The following LPAR1 variants were observed in gnomAD, a reference collection of about 807,000 sequenced individuals.
LPAR1 encodes the protein LPA receptor 1.
In LPAR1, 5 loss-of-function variants were observed where a neutral mutation model predicts 23.8. The ratio of observed to expected loss-of-function variants is 0.21; its 90% confidence interval spans 0.11 to 0.44. The LOEUF is 0.44. Among genes scored for constraint, LPAR1 ranks in the 20% least tolerant of loss-of-function variants. The pLI, the probability that LPAR1 is intolerant of heterozygous loss-of-function variation, is 0.99. For synonymous variants in LPAR1, 160 were observed against 164.7 expected, an observed-to-expected ratio of 0.97 and a Z score of 0.22; for missense variants, 311 against 482.8, an observed-to-expected ratio of 0.64 and a Z score of 3.33.
chr9:110,992,593 C>G (rs1022769869), intron 2 of LPAR1, among the ~76,000 whole-genome samples: 19 of 152,068 alleles, frequency 1.2e-4, no homozygotes, highest in Non-Finnish European at 2.9e-5. Flanking sequence ...GCTCAAATGT[C>G]CATTCATAAA....
intron 2 of LPAR1, among the ~76,000 whole-genome samples, chr9:110,997,056 T>C (rs2139989725): frequency 6.6e-6 from 1 of 152,360 alleles, no homozygotes; most frequent in Non-Finnish European, 1.5e-5. Context: ...AGATTTTTCC[T>C]ACTGCCTATG....
Position 110,875,180 on chromosome 9 carries a change from G to C in LPAR1, c.*241C>G, listed in dbSNP as rs549990436. ...AGTCTGTTCTTGAATTCCATTGCAA[G>C]AGCTCCAACTTCCTACTTTCAGAAG... On this transcript the variant is annotated 3_prime_UTR_variant, in exon 6 of 6. Transcript: ENST00000683809. 3.4e-5 allele frequency: 14 copies of C among 417,616 alleles called. No individual in the cohort carries two copies. The Admixed American group carries it at 3.6e-4, about 11-fold the overall frequency. The allele number at this position is 417,616 out of a possible 1,614,324, so 25.9% of individuals were successfully genotyped here. A position where few individuals can be genotyped will look rare whatever the true frequency, so the allele number is the denominator to read the frequency against.
At chr9:111,017,192 G>A (rs1349452584) in intron 2 of LPAR1, among the ~76,000 whole-genome samples, 1 of 152,134 alleles carries the variant, frequency 6.6e-6, no homozygotes, top group East Asian at 1.9e-4. Flanking sequence ...CCTAAGGTGG[G>A]CCCTTGGTCT....
At chr9:111,030,532 GA>G (rs1370078666) in intron 2 of LPAR1, among the ~76,000 whole-genome samples, 1 of 152,176 alleles carries the variant, frequency 6.6e-6, no homozygotes, top group Non-Finnish European at 1.5e-5. Context: ...AGAAGTGGTT[GA>G]AAGGCCTTTC....
At chr9:110,886,793 T>C (rs1180182143) in intron 5 of LPAR1, among the ~76,000 whole-genome samples, 1 of 152,074 alleles carries the variant, frequency 6.6e-6, no homozygotes, top group East Asian at 1.9e-4. Flanking sequence ...AAAAGCAAAA[T>C]TTCCCCCTTA....
chr9:110,917,602 A>G (rs1274481014), intron 5 of LPAR1, among the ~76,000 whole-genome samples: 3 of 152,204 alleles, frequency 2.0e-5, no homozygotes, highest in Non-Finnish European at 4.4e-5. Context: ...TGAATGTGCC[A>G]TAAAGAATGT....
chr9:110,924,265 C>G (rs974755138), intron 5 of LPAR1, among the ~76,000 whole-genome samples: 5 of 150,066 alleles, frequency 3.3e-5, no homozygotes, highest in Non-Finnish European at 5.9e-5. Context: ...ACGTAAATGT[C>G]TAATGATTAT....
chr9:110,927,092 C>T (rs992412271), intron 5 of LPAR1, among the ~76,000 whole-genome samples: 22 of 152,180 alleles, frequency 1.4e-4, no homozygotes, highest in African/African-American at 5.1e-4. Flanking sequence ...CGAAGTCCTT[C>T]GTGGTACAGA....
intron 5 of LPAR1, among the ~76,000 whole-genome samples, chr9:110,881,933 C>A (rs2080980308): frequency 6.6e-6 from 1 of 152,188 alleles, no homozygotes; most frequent in Non-Finnish European, 1.5e-5. Context: ...ACTCGCTCCT[C>A]ATTTACGAGG....
intron 4 of LPAR1, among the ~76,000 whole-genome samples, chr9:110,954,105 A>G (rs959342958): frequency 2.6e-5 from 4 of 152,162 alleles, no homozygotes; most frequent in African/African-American, 7.2e-5. Context: ...TAGCAGAGAC[A>G]GATATCATTA....
At chr9:110,933,281 C>G (rs1449331648) in intron 5 of LPAR1, among the ~76,000 whole-genome samples, 3 of 152,020 alleles carry the variant, frequency 2.0e-5, no homozygotes, top group Admixed American at 1.3e-4. Context: ...TATACGTGGA[C>G]TTGGTGTGTA....
chr9:110,973,291 T>A (rs1237596546), intron 3 of LPAR1, among the ~76,000 whole-genome samples, 190 bp downstream of exon 3: 2 of 152,116 alleles, frequency 1.3e-5, no homozygotes. Flanking sequence ...CCCACCTATT[T>A]GCAGAAGAAA....
chr9:110,947,673 A>G (rs1194365108), intron 4 of LPAR1, among the ~76,000 whole-genome samples: 1 of 152,226 alleles, frequency 6.6e-6, no homozygotes, highest in Non-Finnish European at 1.5e-5. Flanking sequence ...GCCTTCTAGG[A>G]GTACGACTGA....
chr9:110,982,811 A>T (rs187568751), intron 2 of LPAR1, among the ~76,000 whole-genome samples: 53 of 151,412 alleles, frequency 3.5e-4, no homozygotes, highest in African/African-American at 1.2e-3. Context: ...ACAACTTAAA[A>T]ATTGGGCAAA....
Position 110,928,240 on chromosome 9 carries a change from T to C in LPAR1, c.793+13181A>G, listed in dbSNP as rs558545288. On this transcript the variant is annotated intron_variant, in intron 5 of 5. Transcript: ENST00000683809. ...GAATATTTTTTGTTTCTGCTTCTCA[T>C]TTCAATGCTTTTTAAATTTACAAAT... 5.3e-5 allele frequency among the ~76,000 whole-genome samples: 8 copies of C among 152,298 alleles called. No homozygotes were observed. The South Asian group carries it at 1.7e-3, about 32-fold the overall frequency.
rs59449829 is a variant in LPAR1, at chr9:110,897,811, AT to A, written c.794-22090del. On this transcript the variant is annotated intron_variant, in intron 5 of 5. Transcript: ENST00000683809. ...GATATAGACTAAAATAAGGCCTTTG[AT>A]TTTTTTTTTTAATGAGCAGATATCT... Among the ~76,000 whole-genome samples the A allele has an allele frequency of 4.2e-3, 628 of 148,138 alleles. 2 individuals carry two copies. The highest frequency in any genetic ancestry group is 0.013 in the African/African-American group (541 of 40,530).
At chr9:110,992,146 A>T (rs1217590025) in intron 2 of LPAR1, among the ~76,000 whole-genome samples, 1 of 152,232 alleles carries the variant, frequency 6.6e-6, no homozygotes, top group African/African-American at 2.4e-5. Flanking sequence ...CTTTCAAAGT[A>T]TATGTCCATA....
At chr9:111,021,920 C>T (rs975399) in intron 2 of LPAR1, among the ~76,000 whole-genome samples, 13,469 of 148,818 alleles carry the variant, frequency 0.091, 835 homozygotes, top group South Asian at 0.21. Context: ...GCAGAGATCC[C>T]GCCACCGCAC....
intron 2 of LPAR1, among the ~76,000 whole-genome samples, chr9:110,987,619 A>AC (rs545857078): frequency 1.3e-4 from 20 of 151,634 alleles, no homozygotes; most frequent in Non-Finnish European, 2.8e-4. Context: ...GGAGTAGGTA[A>AC]GGAGAACCCA....
Sources: allele counts gnomAD v4.1 joint callset (sites outside exome capture counted in the v4.1 genomes callset), GRCh38; gene constraint gnomAD v4.1.1; transcripts MANE v1.5; gene names NCBI Gene and HGNC (gene_info 2026-07-23, HGNC 2026-07-21).